The following SLC30A8 variants were observed in gnomAD, a reference collection of about 807,000 sequenced individuals.
SLC30A8 encodes proton-coupled zinc antiporter SLC30A8.
Under a neutral mutation model 36.9 loss-of-function variants are expected in SLC30A8, and 27 were observed. That is an observed-to-expected ratio of 0.73 (90% CI 0.54 to 1.01). The LOEUF is 1.01. Ranked by LOEUF, SLC30A8 falls within the 50% of genes least tolerant of loss-of-function variation. The pLI is 0.00. For synonymous variants in SLC30A8, 164 were observed against 172.4 expected (o/e 0.95, Z 0.38); for missense variants, 439 against 452.0 (o/e 0.97, Z 0.26).
chr8:117,159,091 G>A (rs571788944), intron 4 of SLC30A8, among the ~76,000 whole-genome samples: 5 of 152,338 alleles, frequency 3.3e-5, no homozygotes, highest in Admixed American at 1.3e-4. Flanking sequence ...CTGGAAGCTA[G>A]AAAAGACAAG....
intron 1 of SLC30A8, among the ~76,000 whole-genome samples, chr8:116,993,636 G>A (rs916142435): frequency 6.6e-6 from 1 of 151,908 alleles, no homozygotes. Flanking sequence ...ATGGAGAATA[G>A]AAACAGGTAA....
At chr8:116,985,887 G>A (rs1815427076) in intron 1 of SLC30A8, among the ~76,000 whole-genome samples, 1 of 152,152 alleles carries the variant, frequency 6.6e-6, no homozygotes, top group African/African-American at 2.4e-5. Context: ...AAGGAACACA[G>A]TTTTATTTTT....
intron 1 of SLC30A8, among the ~76,000 whole-genome samples, chr8:116,957,777 G>C (rs1350984564): frequency 6.6e-6 from 1 of 152,166 alleles, no homozygotes; most frequent in Non-Finnish European, 1.5e-5. Flanking sequence ...AACTAGACTG[G>C]TGCTGACATG....
chr8:117,058,970 C>G (rs1258986275), intron 2 of SLC30A8, among the ~76,000 whole-genome samples: 1 of 152,074 alleles, frequency 6.6e-6, no homozygotes, highest in Non-Finnish European at 1.5e-5. Flanking sequence ...TCCACCATAC[C>G]TTTTTTACCT....
At chr8:117,096,513 C>T (rs976072244) in intron 2 of SLC30A8, among the ~76,000 whole-genome samples, 1 of 151,980 alleles carries the variant, frequency 6.6e-6, no homozygotes, top group African/African-American at 2.4e-5. Flanking sequence ...AAGATTCATC[C>T]AACATTTGGG....
intron 1 of SLC30A8, among the ~76,000 whole-genome samples, chr8:116,978,271 A>G (rs1037062193): frequency 6.6e-6 from 1 of 152,160 alleles, no homozygotes; most frequent in Non-Finnish European, 1.5e-5. Context: ...AATAATGAAT[A>G]TGCTTGTTGA....
At chr8:117,155,798 A>G (rs1313818733) in intron 3 of SLC30A8, among the ~76,000 whole-genome samples, 1 of 152,208 alleles carries the variant, frequency 6.6e-6, no homozygotes, top group Non-Finnish European at 1.5e-5. Flanking sequence ...AGTCAGTTCC[A>G]GGCCTCTCTC....
At chr8:116,973,145 C>G (rs1814848269) in intron 1 of SLC30A8, among the ~76,000 whole-genome samples, 1 of 152,190 alleles carries the variant, frequency 6.6e-6, no homozygotes, top group African/African-American at 2.4e-5. Context: ...GAAATAAGCC[C>G]TCACCAGCCA....
chr8:117,014,986 T>C (rs1816466829), intron 1 of SLC30A8, among the ~76,000 whole-genome samples: 1 of 148,608 alleles, frequency 6.7e-6, no homozygotes, highest in Non-Finnish European at 1.5e-5. Context: ...TTTGGTAACA[T>C]CACAACTATA....
intron 2 of SLC30A8, among the ~76,000 whole-genome samples, chr8:117,046,183 G>T (rs10216387): frequency 0.4 from 60,751 of 152,026 alleles, 16,061 homozygotes; most frequent in African/African-American, 0.76. Context: ...GAAGATGTAA[G>T]TTTAAACCTA....
chr8:117,159,888 A>G (rs1048872864), intron 4 of SLC30A8, among the ~76,000 whole-genome samples: 1 of 152,206 alleles, frequency 6.6e-6, no homozygotes, highest in Non-Finnish European at 1.5e-5. Flanking sequence ...TTCTAAACAG[A>G]TATCATCCAA....
At chr8:117,158,550 CCCTT>C (rs1822618668) in intron 4 of SLC30A8, among the ~76,000 whole-genome samples, 1 of 152,214 alleles carries the variant, frequency 6.6e-6, no homozygotes, top group Non-Finnish European at 1.5e-5. Context: ...GTTAAATTCT[CCCTT>C]AAGTTTCAAC....
intron 2 of SLC30A8, among the ~76,000 whole-genome samples, chr8:117,107,068 C>CTAAGAGT (rs1316329559): frequency 6.6e-6 from 1 of 152,190 alleles, no homozygotes; most frequent in African/African-American, 2.4e-5. Context: ...GAAGAGCATC[C>CTAAGAGT]TAAGAGTTTC....
chr8:117,054,098 C>CTTTTTTTTTTTTTTTTTTTTTTTT (rs4060800), intron 2 of SLC30A8, among the ~76,000 whole-genome samples: 1 of 124,170 alleles, frequency 8.1e-6, no homozygotes, highest in African/African-American at 3.1e-5. Context: ...CTGCAAAAAT[C>CTTTTTTTTTTTTTTTTTTTTTTTT]TTTTTTTTTT....
At chr8:117,032,758 T>TG (rs1178115602) in intron 1 of SLC30A8, among the ~76,000 whole-genome samples, 1 of 152,016 alleles carries the variant, frequency 6.6e-6, no homozygotes, top group East Asian at 1.9e-4. Context: ...GGTGTGGTGG[T>TG]GGGTGCCTGT....
chr8:117,077,582 A>G (rs1341734522), intron 2 of SLC30A8, among the ~76,000 whole-genome samples: 1 of 152,178 alleles, frequency 6.6e-6, no homozygotes, highest in Non-Finnish European at 1.5e-5. Flanking sequence ...TATCTCTCCT[A>G]TCTTAAAATC....
intron 1 of SLC30A8, among the ~76,000 whole-genome samples, chr8:117,030,138 G>C (rs1262094181): frequency 1.3e-5 from 2 of 152,012 alleles, no homozygotes; most frequent in African/African-American, 2.4e-5. Context: ...AGTCGTTCAT[G>C]GGTATATCAG....
chr8:117,174,603 C>T lies in SLC30A8; in HGVS notation c.*1922C>T, dbSNP rs1253658978. ...AGGACCACTGAATGGTTTTGTTTTT[C>T]CATATTTTGCATAGGACGCCCTAAA... On this transcript the variant is annotated 3_prime_UTR_variant, in exon 8 of 8. Coordinates refer to ENST00000456015, the MANE Select transcript of SLC30A8 (RefSeq NM_173851.3). 1 of 152,534 alleles carries T rather than the reference C, an allele frequency of 6.6e-6. No homozygotes were observed. Among genetic ancestry groups the T allele is most frequent in the African/African-American group, 2.4e-5 (1 of 41,446 alleles). The allele number at this position is 152,534 out of a possible 1,614,324, so 9.4% of individuals were successfully genotyped here. A position where few individuals can be genotyped will look rare whatever the true frequency, so the allele number is the denominator to read the frequency against.
At chr8:117,156,787 T>G (rs988958968) in intron 3 of SLC30A8, among the ~76,000 whole-genome samples, 7 of 152,170 alleles carry the variant, frequency 4.6e-5, no homozygotes, top group African/African-American at 1.7e-4. Context: ...TGGAAAACGT[T>G]ATGAAGGTTG....
Sources: allele counts gnomAD v4.1 joint callset (sites outside exome capture counted in the v4.1 genomes callset), GRCh38; gene constraint gnomAD v4.1.1; transcripts MANE v1.5; gene names NCBI Gene and HGNC (gene_info 2026-07-23, HGNC 2026-07-21).